B4GALT4: variants seen among roughly 807,000 people sequenced by gnomAD.
B4GALT4 encodes beta-1,4-galactosyltransferase 4.
B4GALT4 carries 27 observed loss-of-function variants against 37.3 expected under a neutral mutation model. That is an observed-to-expected ratio of 0.72 (90% CI 0.53 to 1.00). B4GALT4 has a LOEUF of 1.00. B4GALT4 is among the 50% of genes least tolerant of loss of function. B4GALT4 has a pLI of 0.00. For synonymous variants in B4GALT4, 148 were observed against 154.1 expected, an observed-to-expected ratio of 0.96 and a Z score of 0.29; for missense variants, 372 against 413.1, an observed-to-expected ratio of 0.90 and a Z score of 0.86.
chr3:119,215,768 A>C (rs1559912686), intron 7 of B4GALT4: 1 of 152,228 alleles, frequency 6.6e-6, no homozygotes, highest in Non-Finnish European at 1.5e-5. Flanking sequence ...TACATATTAA[A>C]AGAGATCATT....
intron 3 of B4GALT4, among the ~76,000 whole-genome samples, chr3:119,229,039 A>C (rs1457983223): frequency 6.6e-6 from 1 of 152,258 alleles, no homozygotes; most frequent in African/African-American, 2.4e-5. Context: ...ATAAAAGGTG[A>C]ACCAAAACAT....
chr3:119,227,847 G>A (rs1319176135), intron 3 of B4GALT4, among the ~76,000 whole-genome samples: 6 of 152,096 alleles, frequency 3.9e-5, no homozygotes, highest in Non-Finnish European at 1.5e-5. Flanking sequence ...TGCGAAAGTC[G>A]CCATGACTTG....
At chr3:119,222,743 T>C (rs574643254) in intron 5 of B4GALT4, among the ~76,000 whole-genome samples, 61 of 152,348 alleles carry the variant, frequency 4.0e-4, no homozygotes, top group Non-Finnish European at 7.9e-4. Context: ...GGAACTCTGC[T>C]GAGAAGCTCT....
intron 6 of B4GALT4, among the ~76,000 whole-genome samples, chr3:119,218,272 C>T (rs1280161295): frequency 1.3e-5 from 2 of 152,206 alleles, no homozygotes; most frequent in East Asian, 3.9e-4. Flanking sequence ...CAGGGGGACA[C>T]TGGGAACTGT....
chr3:119,230,971 C>T (rs1444056995), intron 2 of B4GALT4, among the ~76,000 whole-genome samples: 5 of 152,160 alleles, frequency 3.3e-5, no homozygotes, highest in Admixed American at 1.3e-4. Context: ...TTAACTAAGC[C>T]TCAGTTTCCT....
chr3:119,217,572 G>A (rs2078325876), intron 6 of B4GALT4, among the ~76,000 whole-genome samples: 1 of 152,210 alleles, frequency 6.6e-6, no homozygotes, highest in East Asian at 1.9e-4. Context: ...CAGGCACAGT[G>A]GCTCACACCT....
At position 119,218,811 on chromosome 3, in the gene B4GALT4, G is replaced by A. The variant is rs761900831; in HGVS notation, c.675-39C>T. 37 of 1,608,748 alleles carry A rather than the reference G, an allele frequency of 2.3e-5. No individual in the cohort carries two copies. In the Middle Eastern group the frequency reaches 1.2e-3, roughly 50 times the overall value. On this transcript the variant is annotated intron_variant, in intron 5 of 7. Coordinates refer to ENST00000393765, the MANE Select transcript of B4GALT4 (RefSeq NM_003778.4). ...GATGAGAGAAATGGTAAGAATATTC[G>A]CACCAAAGGTCTCTGATTTCAGGGC...
Position 119,226,972 on chromosome 3 carries a change from A to G in B4GALT4, c.323T>C (p.Val108Ala), listed in dbSNP as rs1250480384. 2 of 1,614,176 alleles carry G rather than the reference A, an allele frequency of 1.2e-6. No homozygotes were observed. Among genetic ancestry groups the G allele is most frequent in the Admixed American group, 3.3e-5 (2 of 60,024 alleles). Residue 108 changes from valine to alanine, a missense_variant, in exon 4 of 8, where the codon GTG becomes GCG. Physicochemically the swap from Val to Ala is moderately conservative, Grantham distance 64. Transcript: ENST00000393765. The part of the protein sequence containing the change: ...LEEVQAENPK[V>A]SRGRYRPQEC... ...CTGAGGGCGATACCGGCCTCTGGAC[A>G]CTTTGGGATTTTCTGCCTGTACCTC...
chr3:119,240,222 A>G (rs140573668), intron 1 of B4GALT4: 1 of 152,224 alleles, frequency 6.6e-6, no homozygotes, highest in East Asian at 1.9e-4. Flanking sequence ...CTCGATGCAG[A>G]GTCCTTTGGA....
chr3:119,222,478 C>T (rs1189956289), intron 5 of B4GALT4, among the ~76,000 whole-genome samples: 2 of 152,198 alleles, frequency 1.3e-5, no homozygotes, highest in Non-Finnish European at 2.9e-5. Context: ...GCTTTCCCCT[C>T]TTCCCTTGCT....
chr3:119,216,565 C>T (rs186573191), intron 6 of B4GALT4, among the ~76,000 whole-genome samples: 64 of 151,660 alleles, frequency 4.2e-4, no homozygotes, highest in African/African-American at 1.5e-3. Flanking sequence ...AGGCGATAAG[C>T]CCAAAAAAGA....
chr3:119,234,685 T>C (rs2078931646), intron 2 of B4GALT4, among the ~76,000 whole-genome samples: 1 of 152,254 alleles, frequency 6.6e-6, no homozygotes, highest in Non-Finnish European at 1.5e-5. Flanking sequence ...TTATTTACAC[T>C]AACATTTAAG....
intron 3 of B4GALT4, among the ~76,000 whole-genome samples, 164 bp downstream of exon 3, chr3:119,229,683 T>C (rs2078746809): frequency 6.6e-6 from 1 of 152,214 alleles, no homozygotes; most frequent in Middle Eastern, 3.2e-3. Context: ...TTTTGTACTT[T>C]CTTGTACATG....
rs796629716 is a variant in B4GALT4, at chr3:119,216,453, C to CACACAT, written c.798-110_798-109insATGTGT. 7.0e-5 allele frequency: 41 copies of CACACAT among 586,192 alleles called. 2 individuals carry two copies. The South Asian group carries it at 9.5e-4, about 14-fold the overall frequency. The allele number at this position is 586,192 out of a possible 1,614,324, so 36.3% of individuals were successfully genotyped here. ...ATACACACACACGCACATACACACA[C>CACACAT]ACACACACACACACACACAGTGTCA... On this transcript the variant is annotated intron_variant, in intron 6 of 7. Transcript: ENST00000393765.
chr3:119,225,348 T>A (rs2078577190), intron 4 of B4GALT4, among the ~76,000 whole-genome samples: 1 of 152,182 alleles, frequency 6.6e-6, no homozygotes, highest in African/African-American at 2.4e-5. Context: ...TACCACAATG[T>A]TTTCCTGATA....
intron 2 of B4GALT4, chr3:119,233,117 T>C (rs1283602666): frequency 2.0e-5 from 3 of 152,256 alleles, no homozygotes; most frequent in African/African-American, 7.2e-5. Flanking sequence ...CCTGGGAACA[T>C]GGCTTTTCTA....
chr3:119,236,448 T>G (rs1025405969), intron 2 of B4GALT4, among the ~76,000 whole-genome samples: 1 of 152,226 alleles, frequency 6.6e-6, no homozygotes, highest in Non-Finnish European at 1.5e-5. Context: ...GTGTATCATT[T>G]TTACAACTTT....
At chr3:119,238,244 G>A (rs1014887484) in intron 1 of B4GALT4, among the ~76,000 whole-genome samples, 1 of 142,366 alleles carries the variant, frequency 7.0e-6, no homozygotes, top group Non-Finnish European at 1.5e-5. Context: ...TCCAGCCTGG[G>A]CATCAGAGAC....
chr3:119,223,936 C>T, intron 5 of B4GALT4, 122 bp downstream of exon 5: 1 of 1,086,242 alleles, frequency 9.2e-7, no homozygotes. Flanking sequence ...GTGATGCATA[C>T]ATTATGGACC....
Sources: gnomAD v4.1 joint callset for allele counts (sites outside exome capture counted in the v4.1 genomes callset) on GRCh38, gnomAD v4.1.1 for gene constraint, MANE v1.5 for transcripts, NCBI Gene and HGNC (gene_info 2026-07-23, HGNC 2026-07-21) for gene names.